The following PAPPA variants were observed in gnomAD, a reference collection of about 807,000 sequenced individuals.
The protein encoded by PAPPA is pappalysin-1.
PAPPA carries 60 observed loss-of-function variants against 164.0 expected under a neutral mutation model. The observed-to-expected ratio is 0.37, with a 90% CI of 0.30 to 0.45. PAPPA has a LOEUF of 0.45. PAPPA is among the 20% of genes least tolerant of loss of function. PAPPA has a pLI of 1.00. For synonymous variants in PAPPA, 875 were observed against 814.1 expected, an observed-to-expected ratio of 1.07 and a Z score of -1.27; for missense variants, 1,782 against 2,087.3, an observed-to-expected ratio of 0.85 and a Z score of 2.85.
rs1441623598 is a variant in PAPPA at position 116,398,313 on chromosome 9, GACTAGTTACATC to G, written c.*1700_*1711del. ...GGAATTGCGGAGAAGGGAAGGTCTAGACTAGTTACATCACATAGGGATTACTGTAAATCAAGT... is the reference window on the plus strand; with the variant it reads ...GGAATTGCGGAGAAGGGAAGGTCTAGACATAGGGATTACTGTAAATCAAGT... On this transcript the variant is annotated 3_prime_UTR_variant, in exon 22 of 22. Transcript: ENST00000328252. 3.5e-6 allele frequency: 1 copy of G among 287,916 alleles called. No individual in the cohort carries two copies. The highest frequency in any genetic ancestry group is 9.6e-5 in the East Asian group (1 of 10,420). The allele number at this position is 287,916 out of a possible 1,614,324, so 17.8% of individuals were successfully genotyped here. A position where few individuals can be genotyped will look rare whatever the true frequency, so the allele number is the denominator to read the frequency against.
Position 116,398,589 on chromosome 9 carries a change from C to T in PAPPA, c.*1973C>T. The T allele has an allele frequency of 8.0e-7, 1 of 1,251,032 alleles. No individual in the cohort carries two copies. The highest frequency in any genetic ancestry group is 1.0e-6 in the Non-Finnish European group (1 of 954,042). The allele number at this position is 1,251,032 out of a possible 1,614,324, so 77.5% of individuals were successfully genotyped here. On this transcript the variant is annotated 3_prime_UTR_variant, in exon 22 of 22. Coordinates refer to ENST00000328252, the MANE Select transcript of PAPPA (RefSeq NM_002581.5). Reference sequence around the variant, plus strand: ...AAACACTTGAGAAGACATCTATTGGCCATCTCTGGCCAATTACACTAAGAA... The same window carrying T: ...AAACACTTGAGAAGACATCTATTGGTCATCTCTGGCCAATTACACTAAGAA...
At position 116,235,393 on chromosome 9, in the gene PAPPA, C is replaced by T. The variant is rs1844649734; in HGVS notation, c.2488C>T (p.Pro830Ser). The change falls in exon 7 of 22, where the codon CCT (proline) becomes TCT (serine). Residue 830 changes from proline to serine, a missense_variant. Coordinates refer to ENST00000328252, the MANE Select transcript of PAPPA (RefSeq NM_002581.5). ...CAGTGGGAAGAACATCTCCCTGGGT[C>T]CTCAGAATGTCTTCTGTGATGTCCC... is the stretch of plus-strand genomic sequence containing the variant. Reference protein sequence around the residue: ...AVSGKNISLGPQNVFCDVPLT... With the variant: ...AVSGKNISLGSQNVFCDVPLT... 1 of 1,614,018 alleles carries T rather than the reference C, an allele frequency of 6.2e-7. No individual in the cohort carries two copies. The highest frequency in any genetic ancestry group is 2.2e-5 in the East Asian group (1 of 44,850).
intron 13 of PAPPA, among the ~76,000 whole-genome samples, chr9:116,337,305 C>A (rs1049222675): frequency 1.3e-5 from 2 of 152,122 alleles, no homozygotes; most frequent in African/African-American, 4.8e-5. Context: ...AGCACCTCCT[C>A]CTGAGTGCCC....
chr9:116,265,767 T>G, intron 7 of PAPPA, 90 bp from the exon 8 acceptor site: 1 of 1,048,158 alleles, frequency 9.5e-7, no homozygotes, highest in South Asian at 1.6e-5. Flanking sequence ...GCAAGACTGA[T>G]AGAACCTACT....
intron 5 of PAPPA, among the ~76,000 whole-genome samples, chr9:116,226,730 C>T (rs1380832684): frequency 6.6e-6 from 1 of 152,208 alleles, no homozygotes; most frequent in Non-Finnish European, 1.5e-5. Context: ...AAGATTGAAT[C>T]CAGATACACA....
chr9:116,250,155 G>A (rs1243223429), intron 7 of PAPPA, among the ~76,000 whole-genome samples: 1 of 151,924 alleles, frequency 6.6e-6, no homozygotes, highest in Non-Finnish European at 1.5e-5. Context: ...GGGTATCGGG[G>A]GTTAATCTTC....
Position 116,159,063 on chromosome 9 carries a change from A to T in PAPPA, c.415+4476A>T, listed in dbSNP as rs566215226. 4.6e-5 allele frequency among the ~76,000 whole-genome samples: 7 copies of T among 152,384 alleles called. No individual in the cohort carries two copies. In the South Asian group the frequency reaches 1.2e-3, roughly 27 times the overall value. On this transcript the variant is annotated intron_variant, in intron 1 of 21. Transcript: ENST00000328252. ...AGATCGAAGAGGGTGAGAAATGGAT[A>T]TAAATCTCAACTGAAGCCCTGCATG...
chr9:116,365,854 T>C (rs1343768346), intron 18 of PAPPA, among the ~76,000 whole-genome samples: 1 of 152,126 alleles, frequency 6.6e-6, no homozygotes, highest in Non-Finnish European at 1.5e-5. Context: ...CTCTCCTCTC[T>C]CTGTGTGGCT....
At chr9:116,304,249 C>T (rs560102739) in intron 10 of PAPPA, among the ~76,000 whole-genome samples, 1 of 152,346 alleles carries the variant, frequency 6.6e-6, no homozygotes, top group East Asian at 1.9e-4. Flanking sequence ...TCTTTGTCCT[C>T]TCATGTTCAA....
At chr9:116,236,817 T>C (rs966270879) in intron 7 of PAPPA, among the ~76,000 whole-genome samples, 1 of 152,164 alleles carries the variant, frequency 6.6e-6, no homozygotes, top group South Asian at 2.1e-4. Flanking sequence ...AAACTGGGGC[T>C]TAGAGATGTG....
At chr9:116,263,798 C>T (rs551178287) in intron 7 of PAPPA, among the ~76,000 whole-genome samples, 9 of 152,184 alleles carry the variant, frequency 5.9e-5, no homozygotes, top group Admixed American at 3.3e-4. Flanking sequence ...AGAGACGCGA[C>T]GAGAGGACAA....
At chr9:116,234,233 G>A (rs781281238) in intron 6 of PAPPA, among the ~76,000 whole-genome samples, 5 of 152,106 alleles carry the variant, frequency 3.3e-5, no homozygotes, top group Admixed American at 6.5e-5. Context: ...TTCAGAAGTC[G>A]CTGCAGGCTG....
intron 21 of PAPPA, among the ~76,000 whole-genome samples, chr9:116,384,898 T>A (rs1318362113): frequency 6.6e-6 from 1 of 152,174 alleles, no homozygotes; most frequent in Non-Finnish European, 1.5e-5. Flanking sequence ...AAAGAGCAGC[T>A]CTGTTTAAAA....
rs529688425 is a variant in PAPPA, at chr9:116,245,717, G to A, written c.2732+10080G>A. Among the ~76,000 whole-genome samples, 32 of 152,262 alleles carry A rather than the reference G, an allele frequency of 2.1e-4. No homozygotes were observed. In the South Asian group the frequency reaches 6.2e-3, roughly 30 times the overall value. On this transcript the variant is annotated intron_variant, in intron 7 of 21. Coordinates refer to ENST00000328252, the MANE Select transcript of PAPPA (RefSeq NM_002581.5). Reference sequence around the variant, plus strand: ...TTATTGTTTTGTTGGGCATGGGGTAGATCAAGAGTTCAGTCTTAGACATAT... The same window carrying A: ...TTATTGTTTTGTTGGGCATGGGGTAAATCAAGAGTTCAGTCTTAGACATAT...
chr9:116,371,248 C>T (rs1352735556), intron 19 of PAPPA, among the ~76,000 whole-genome samples: 4 of 152,150 alleles, frequency 2.6e-5, no homozygotes, highest in African/African-American at 9.7e-5. Context: ...GAAACCCCGT[C>T]TCTACTAAAA....
chr9:116,186,896 A>T (rs1311877677), intron 1 of PAPPA, among the ~76,000 whole-genome samples: 2 of 152,146 alleles, frequency 1.3e-5, no homozygotes, highest in Non-Finnish European at 2.9e-5. Flanking sequence ...AAAACCAATA[A>T]AAGTTAAACT....
At chr9:116,303,552 C>A (rs1041255872) in intron 10 of PAPPA, among the ~76,000 whole-genome samples, 5 of 152,110 alleles carry the variant, frequency 3.3e-5, no homozygotes, top group Admixed American at 3.3e-4. Flanking sequence ...GCCACTAGTG[C>A]TTGTATGATT....
chr9:116,255,038 C>T (rs892881492), intron 7 of PAPPA, among the ~76,000 whole-genome samples: 3 of 151,620 alleles, frequency 2.0e-5, no homozygotes, highest in Non-Finnish European at 4.4e-5. Flanking sequence ...TGCGTTGAAA[C>T]GATTGTTCTC....
At chr9:116,194,525 A>T (rs1844080671) in intron 2 of PAPPA, among the ~76,000 whole-genome samples, 1 of 152,198 alleles carries the variant, frequency 6.6e-6, no homozygotes, top group East Asian at 1.9e-4. Context: ...TGTAGTGGAA[A>T]AATTATGCGT....
Sources: gnomAD v4.1 joint callset for allele counts (sites outside exome capture counted in the v4.1 genomes callset) on GRCh38, gnomAD v4.1.1 for gene constraint, MANE v1.5 for transcripts, NCBI Gene and HGNC (gene_info 2026-07-23, HGNC 2026-07-21) for gene names.